PTPRD: variants seen among roughly 807,000 people sequenced by gnomAD.
PTPRD encodes receptor-type tyrosine-protein phosphatase delta.
Under a neutral mutation model 214.5 loss-of-function variants are expected in PTPRD, and 34 were observed. The ratio of observed to expected loss-of-function variants is 0.16; its 90% confidence interval spans 0.12 to 0.21. PTPRD has a LOEUF of 0.21. PTPRD is among the 10% of genes least tolerant of loss of function. The pLI, the probability that PTPRD is intolerant of heterozygous loss-of-function variation, is 1.00. For missense variants in PTPRD, 2,545 were observed against 2,398.7 expected (o/e 1.06, Z -1.27); for synonymous variants, 1,128 against 845.7 (o/e 1.33, Z -5.79).
chr9:9,305,940 A>T (rs959864413), intron 9 of PTPRD, among the ~76,000 whole-genome samples: 3 of 151,992 alleles, frequency 2.0e-5, no homozygotes, highest in African/African-American at 7.2e-5. Flanking sequence ...CTTGATTTTG[A>T]TCTTTTAGCC....
intron 2 of PTPRD, among the ~76,000 whole-genome samples, chr9:10,538,665 T>A (rs191337373): frequency 6.6e-6 from 1 of 151,464 alleles, no homozygotes; most frequent in Admixed American, 6.6e-5. Context: ...ATATATAGGA[T>A]GTACTGAATA....
At chr9:8,794,673 T>C (rs1048647027) in intron 11 of PTPRD, among the ~76,000 whole-genome samples, 1 of 152,070 alleles carries the variant, frequency 6.6e-6, no homozygotes, top group African/African-American at 2.4e-5. Flanking sequence ...GCAACATAAC[T>C]TCCCCCTAAA....
intron 14 of PTPRD, among the ~76,000 whole-genome samples, chr9:8,577,817 C>G (rs554576877): frequency 1.4e-4 from 21 of 152,092 alleles, no homozygotes; most frequent in Non-Finnish European, 2.8e-4. Flanking sequence ...TACTCAAGAC[C>G]CGCTGAATCA....
intron 2 of PTPRD, among the ~76,000 whole-genome samples, chr9:10,524,555 T>C (rs956702882): frequency 6.6e-6 from 1 of 152,042 alleles, no homozygotes; most frequent in African/African-American, 2.4e-5. Flanking sequence ...AAATCCTTTA[T>C]GAAGTCAATG....
chr9:9,127,803 T>A (rs546456859), intron 10 of PTPRD, among the ~76,000 whole-genome samples: 2 of 151,754 alleles, frequency 1.3e-5, no homozygotes, highest in South Asian at 4.2e-4. Context: ...AAATAAAATA[T>A]GAAGGAAAAA....
intron 2 of PTPRD, among the ~76,000 whole-genome samples, chr9:10,433,072 C>G (rs1473936559): frequency 1.3e-5 from 2 of 151,714 alleles, no homozygotes; most frequent in Non-Finnish European, 2.9e-5. Context: ...TATTACAATT[C>G]AAAGTGTGCA....
intron 3 of PTPRD, among the ~76,000 whole-genome samples, chr9:10,285,006 T>A (rs1370796899): frequency 6.6e-6 from 1 of 152,194 alleles, no homozygotes; most frequent in Non-Finnish European, 1.5e-5. Flanking sequence ...AATGTTTAAT[T>A]TTAACTGCTA....
intron 26 of PTPRD, 49 bp from the exon 27 acceptor site, chr9:8,493,028 C>G (rs1441689727): frequency 6.8e-7 from 1 of 1,480,208 alleles, no homozygotes; most frequent in South Asian, 1.2e-5. Flanking sequence ...GCTACTAATG[C>G]TCTGGGGGAA....
intron 39 of PTPRD, among the ~76,000 whole-genome samples, chr9:8,354,643 C>G (rs539239523): frequency 4.6e-5 from 7 of 152,166 alleles, no homozygotes; most frequent in Non-Finnish European, 7.3e-5. Flanking sequence ...GTTGGTTTGA[C>G]TCAAGTAGTT....
chr9:9,865,935 C>T (rs1302325339), intron 5 of PTPRD, among the ~76,000 whole-genome samples: 1 of 152,156 alleles, frequency 6.6e-6, no homozygotes, highest in Non-Finnish European at 1.5e-5. Flanking sequence ...AGACAGCGTC[C>T]CTCAGTGTGT....
At chr9:9,316,781 T>A (rs1963399451) in intron 9 of PTPRD, among the ~76,000 whole-genome samples, 1 of 152,154 alleles carries the variant, frequency 6.6e-6, no homozygotes, top group African/African-American at 2.4e-5. Context: ...ATTTCCCAAA[T>A]TATTGTCATC....
At chr9:9,547,399 T>C (rs557478822) in intron 8 of PTPRD, among the ~76,000 whole-genome samples, 6 of 152,240 alleles carry the variant, frequency 3.9e-5, no homozygotes, top group South Asian at 2.1e-4. Flanking sequence ...ATTCAAAATA[T>C]AGATTCAGTG....
intron 5 of PTPRD, among the ~76,000 whole-genome samples, chr9:9,822,800 C>A (rs186486092): frequency 6.6e-6 from 1 of 151,938 alleles, no homozygotes; most frequent in African/African-American, 2.4e-5. Flanking sequence ...TGTGACGATT[C>A]TCAGCGAAAT....
intron 8 of PTPRD, among the ~76,000 whole-genome samples, chr9:9,427,961 C>T (rs937166393): frequency 1.3e-5 from 2 of 152,118 alleles, no homozygotes; most frequent in African/African-American, 4.8e-5. Context: ...CAAAGACATG[C>T]CGAATTGTAA....
At chr9:9,122,800 T>C (rs1256265432) in intron 10 of PTPRD, among the ~76,000 whole-genome samples, 2 of 152,044 alleles carry the variant, frequency 1.3e-5, no homozygotes, top group African/African-American at 4.8e-5. Context: ...CGTGCAAGGG[T>C]ATGAACAATT....
intron 3 of PTPRD, among the ~76,000 whole-genome samples, chr9:10,222,353 T>C (rs1273916153): frequency 6.6e-6 from 1 of 152,128 alleles, no homozygotes; most frequent in Admixed American, 6.6e-5. Context: ...AGAAAATAAA[T>C]AGAAATTGGC....
chr9:9,894,400 T>C (rs984158135), intron 5 of PTPRD, among the ~76,000 whole-genome samples: 2 of 152,106 alleles, frequency 1.3e-5, no homozygotes, highest in African/African-American at 4.8e-5. Context: ...CAAGGCTCAT[T>C]GTCTCTACAA....
At chr9:10,443,217 A>G (rs998876818) in intron 2 of PTPRD, among the ~76,000 whole-genome samples, 1 of 151,614 alleles carries the variant, frequency 6.6e-6, no homozygotes, top group Non-Finnish European at 1.5e-5. Context: ...ATATATTCTT[A>G]GAATCCGGTC....
At position 9,548,405 on chromosome 9, in the gene PTPRD, C is replaced by CTTT. The variant is rs1157663823; in HGVS notation, c.-237+26324_-237+26326dup. On this transcript the variant is annotated intron_variant, in intron 8 of 45. Transcript: ENST00000381196. ...TTGCTACGTATATGTGACTTTTTTT[C>CTTT]TTTTTTTTTTTTTTTTTTTTAAGAC... is the stretch of plus-strand genomic sequence containing the variant. 1.5e-3 allele frequency among the ~76,000 whole-genome samples: 177 copies of CTTT among 118,538 alleles called. 1 individual carries two copies. The highest frequency in any genetic ancestry group is 2.9e-3 in the African/African-American group (95 of 32,426). The allele number at this position is 118,538 out of a possible 152,430, so 77.8% of individuals were successfully genotyped here.
Sources: allele counts gnomAD v4.1 joint callset (sites outside exome capture counted in the v4.1 genomes callset), GRCh38; gene constraint gnomAD v4.1.1; transcripts MANE v1.5; gene names NCBI Gene and HGNC (gene_info 2026-07-23, HGNC 2026-07-21).